Variants in OTULINL observed in about 807,000 individuals in gnomAD.
The protein encoded by OTULINL is inactive ubiquitin thioesterase OTULINL.
In OTULINL, 42 loss-of-function variants were observed where a neutral mutation model predicts 43.9. The ratio of observed to expected loss-of-function variants is 0.96; its 90% CI spans 0.75 to 1.24. The LOEUF is 1.24. OTULINL is among the 50% of genes most tolerant of loss of function. The pLI is 0.00. For synonymous variants in OTULINL, 172 were observed against 153.6 expected, an observed-to-expected ratio of 1.12 and a Z score of -0.88; for missense variants, 411 against 426.4, an observed-to-expected ratio of 0.96 and a Z score of 0.32.
At position 14,607,313 on chromosome 5, in the gene OTULINL, T is replaced by A; in HGVS notation, c.499-17T>A. 1 of 1,613,058 alleles carries A rather than the reference T, an allele frequency of 6.2e-7. No homozygotes were observed. The highest frequency in any genetic ancestry group is 8.5e-7 in the Non-Finnish European group (1 of 1,179,622). The stretch of plus-strand genomic sequence containing the variant: ...GTTCATATGCTAATCATAGTTGGCA[T>A]CTACTTCCTTTTCAAGCTTCCTGAA... On this transcript the variant is annotated splice_polypyrimidine_tract_variant and intron_variant, in intron 5 of 7. Transcript: ENST00000274217.
At chr5:14,609,949 TC>T (rs1759549764) in intron 7 of OTULINL, among the ~76,000 whole-genome samples, 191 bp from the exon 8 acceptor site, 1 of 152,188 alleles carries the variant, frequency 6.6e-6, no homozygotes, top group African/African-American at 2.4e-5. Context: ...ACAGAGTTGT[TC>T]CTATGCTCGT....
At chr5:14,604,970 C>T (rs979983300) in intron 5 of OTULINL, among the ~76,000 whole-genome samples, 2 of 152,114 alleles carry the variant, frequency 1.3e-5, no homozygotes, top group African/African-American at 2.4e-5. Context: ...GAACGGTGGC[C>T]CTCTTCTCAC....
chr5:14,592,236 C>T (rs1187454527), intron 1 of OTULINL, among the ~76,000 whole-genome samples: 4 of 152,100 alleles, frequency 2.6e-5, no homozygotes, highest in Non-Finnish European at 5.9e-5. Context: ...AGAAGACTGA[C>T]CAGGACCACG....
At chr5:14,599,925 A>G (rs1395161833) in intron 1 of OTULINL, among the ~76,000 whole-genome samples, 3 of 152,206 alleles carry the variant, frequency 2.0e-5, no homozygotes, top group Non-Finnish European at 4.4e-5. Context: ...TCTGGAAATG[A>G]TATCTATGTG....
rs1759619937 is a variant in OTULINL at position 14,613,696 on chromosome 5, C to CT, written c.*3384dup. On this transcript the variant is annotated 3_prime_UTR_variant, in exon 8 of 8. Coordinates refer to ENST00000274217, the MANE Select transcript of OTULINL (RefSeq NM_019018.3). The stretch of plus-strand genomic sequence containing the variant: ...TGAATTTCTTGAATGTCTTCATGGT[C>CT]TTGAACCAAAGTCATTTCCACCCAA... Among the ~76,000 whole-genome samples, 1 of 152,188 alleles carries CT rather than the reference C, an allele frequency of 6.6e-6. No individual in the cohort carries two copies. Among genetic ancestry groups the CT allele is most frequent in the Non-Finnish European group, 1.5e-5 (1 of 68,034 alleles).
At chr5:14,584,296 C>G (rs983856861) in intron 1 of OTULINL, among the ~76,000 whole-genome samples, 1 of 152,182 alleles carries the variant, frequency 6.6e-6, no homozygotes, top group African/African-American at 2.4e-5. Context: ...TGGTAACATT[C>G]ACATTTCAGC....
intron 7 of OTULINL, 32 bp downstream of exon 7, chr5:14,609,049 A>G: frequency 6.3e-7 from 1 of 1,588,334 alleles, no homozygotes; most frequent in Non-Finnish European, 8.6e-7. Flanking sequence ...CTTGTATTTG[A>G]TTAAGGATGC....
intron 5 of OTULINL, among the ~76,000 whole-genome samples, chr5:14,605,343 C>G (rs1422935314): frequency 7.0e-6 from 1 of 142,474 alleles, no homozygotes; most frequent in Non-Finnish European, 1.5e-5. Flanking sequence ...GCAGAGGGAC[C>G]CTGGACCTGG....
At chr5:14,604,834 C>T (rs1308798664) in intron 5 of OTULINL, among the ~76,000 whole-genome samples, 2 of 152,246 alleles carry the variant, frequency 1.3e-5, no homozygotes, top group East Asian at 1.9e-4. Flanking sequence ...TGGGCAGCTC[C>T]GCCCCTGTGG....
intron 7 of OTULINL, 47 bp from the exon 8 acceptor site, chr5:14,610,094 G>A (rs772485367): frequency 6.4e-7 from 1 of 1,558,274 alleles, no homozygotes; most frequent in Admixed American, 1.7e-5. Context: ...CGGGAGGCAG[G>A]AATTTGCAAG....
chr5:14,610,092 A>T, intron 7 of OTULINL, 49 bp from the exon 8 acceptor site: 4 of 1,543,880 alleles, frequency 2.6e-6, no homozygotes, highest in Non-Finnish European at 3.6e-6. Flanking sequence ...GGCGGGAGGC[A>T]GGAATTTGCA....
intron 5 of OTULINL, among the ~76,000 whole-genome samples, chr5:14,602,985 ATCC>A (rs1208162978): frequency 1.3e-5 from 2 of 152,166 alleles, no homozygotes; most frequent in Non-Finnish European, 2.9e-5. Context: ...TTGGTAGTCC[ATCC>A]TCCTCCTACC....
intron 1 of OTULINL, among the ~76,000 whole-genome samples, chr5:14,593,260 G>A (rs1463363866): frequency 6.6e-6 from 1 of 152,228 alleles, no homozygotes; most frequent in African/African-American, 2.4e-5. Context: ...CCAGCCGAGA[G>A]GTATGTAAGC....
chr5:14,596,011 A>AAG (rs1342305131), intron 1 of OTULINL, among the ~76,000 whole-genome samples: 1 of 152,174 alleles, frequency 6.6e-6, no homozygotes. Flanking sequence ...ACAGGCATTA[A>AAG]AGAGGATCAA....
intron 5 of OTULINL, among the ~76,000 whole-genome samples, chr5:14,605,262 C>T (rs1011836416): frequency 6.6e-6 from 1 of 152,184 alleles, no homozygotes; most frequent in Non-Finnish European, 1.5e-5. Context: ...CTAGCTATAC[C>T]TTGCTTGGCC....
intron 5 of OTULINL, among the ~76,000 whole-genome samples, chr5:14,604,937 G>T (rs1433019575): frequency 1.1e-4 from 16 of 152,198 alleles, no homozygotes; most frequent in Non-Finnish European, 2.4e-4. Flanking sequence ...GGTGTTGGTG[G>T]TTCTACCATT....
At chr5:14,606,589 A>AG (rs982562576) in intron 5 of OTULINL, among the ~76,000 whole-genome samples, 1 of 152,204 alleles carries the variant, frequency 6.6e-6, no homozygotes, top group Non-Finnish European at 1.5e-5. Flanking sequence ...GTTACAATGG[A>AG]GGATGAGGCT....
At chr5:14,596,449 CATT>C (rs1759289211) in intron 1 of OTULINL, among the ~76,000 whole-genome samples, 1 of 152,168 alleles carries the variant, frequency 6.6e-6, no homozygotes, top group African/African-American at 2.4e-5. Flanking sequence ...TCAGAACTGT[CATT>C]ATGACACTGT....
chr5:14,609,538 A>C (rs932961306), intron 7 of OTULINL, among the ~76,000 whole-genome samples: 1 of 152,200 alleles, frequency 6.6e-6, no homozygotes, highest in African/African-American at 2.4e-5. Flanking sequence ...AATGATATAA[A>C]ACTGATTGGA....
Sources: gnomAD v4.1 joint callset for allele counts (sites outside exome capture counted in the v4.1 genomes callset) on GRCh38, gnomAD v4.1.1 for gene constraint, MANE v1.5 for transcripts, NCBI Gene and HGNC (gene_info 2026-07-23, HGNC 2026-07-21) for gene names.